The following BMP15 variants were observed in gnomAD, a reference collection of about 807,000 sequenced individuals.
BMP15 encodes the protein growth/differentiation factor 9B.
A neutral mutation model predicts 4.4 loss-of-function variants in BMP15; 5 were observed. The observed-to-expected ratio is 1.13, with a 90% CI of 0.59 to 2.38. The LOEUF (loss-of-function observed/expected upper bound fraction) is 2.38, where lower values mean the gene tolerates loss of function less well. Among genes scored for constraint, BMP15 ranks in the 30% most tolerant of loss-of-function variants. The pLI, the probability that BMP15 is intolerant of heterozygous loss-of-function variation, is 0.01. For synonymous variants in BMP15, 125 were observed against 114.6 expected, an observed-to-expected ratio of 1.09 and a Z score of -0.58; for missense variants, 339 against 309.8, an observed-to-expected ratio of 1.09 and a Z score of -0.71.
At chrX:50,914,393 C>T (rs933989807) in intron 1 of BMP15, among the ~76,000 whole-genome samples, 7 of 112,233 alleles carry the variant, frequency 6.2e-5, no homozygotes, top group East Asian at 2.8e-4. Flanking sequence ...GAGACCAGCC[C>T]GGCAACATGG....
chrX:50,915,801 C>T lies in BMP15; in HGVS notation c.373C>T (p.Arg125Ter), dbSNP rs1923111503. 1 of 1,211,198 alleles carries T rather than the reference C, an allele frequency of 8.3e-7. No individual in the cohort carries two copies. Among genetic ancestry groups the T allele is most frequent in the Non-Finnish European group, 1.1e-6 (1 of 895,226 alleles). The change falls in exon 2 of 2, where the codon CGA becomes TGA. Residue 125 changes from arginine to a stop codon, truncating the protein, a stop_gained. Coordinates refer to ENST00000252677, the MANE Select transcript of BMP15 (RefSeq NM_005448.2). LOFTEE classifies it low-confidence loss of function (END_TRUNC). ...CCTGGGCTTTCCTCTCAGACCAAAC[C>T]GAGGACTATACCAACTAGTTAGAGC... The part of the protein sequence containing the change: ...QILGFPLRPN[R>*]GLYQLVRATV...
In BMP15 at chrX:50,910,917, T is replaced by C. The variant is rs781843964; in HGVS notation, c.134T>C (p.Ile45Thr). 2 of 1,197,337 alleles carry C rather than the reference T, an allele frequency of 1.7e-6. No individual in the cohort carries two copies. Among genetic ancestry groups the C allele is most frequent in the East Asian group, 3.0e-5 (1 of 33,195 alleles). The stretch of plus-strand genomic sequence containing the variant: ...GCTGAGGCCCCTACTTTGCCCCTGA[T>C]TGAGGAGCTGCTAGAAGAATCCCCT... Reference protein sequence around the residue: ...LLAEAPTLPLIEELLEESPGE... With the variant: ...LLAEAPTLPLTEELLEESPGE... The change falls in exon 1 of 2, where the codon ATT (isoleucine) becomes ACT (threonine). Residue 45 changes from isoleucine (I) to threonine (T), a missense_variant. Ile to Thr is a moderately conservative substitution (Grantham distance 89). Transcript: ENST00000252677.
At position 50,916,222 on chromosome X, in the gene BMP15, G is replaced by C; in HGVS notation, c.794G>C (p.Arg265Thr). Reference protein sequence around the residue: ...EFMERESLLRRTRQADGISAE... With the variant: ...EFMERESLLRTTRQADGISAE... ...ATGGAAAGGGAATCTCTTCTCCGGA[G>C]AACCCGACAAGCAGATGGTATCTCA... The change falls in exon 2 of 2, where the codon AGA becomes ACA. Residue 265 changes from arginine to threonine, a missense_variant. Arg to Thr is a moderately conservative substitution (Grantham distance 71). Coordinates refer to ENST00000252677, the MANE Select transcript of BMP15 (RefSeq NM_005448.2). 1 of 1,211,423 alleles carries C rather than the reference G, an allele frequency of 8.3e-7. No individual in the cohort carries two copies. The highest frequency in any genetic ancestry group is 1.1e-6 in the Non-Finnish European group (1 of 895,473).
chrX:50,916,053 T>C lies in BMP15; in HGVS notation c.625T>C (p.Cys209Arg), dbSNP rs782792056. The part of the protein sequence containing the change: ...GHRILRLRFM[C>R]QQQKDSGGLE... ...CAGGATCCTACGACTCCGTTTTATG[T>C]GTCAGCAGCAAAAAGATAGTGGTGG... Residue 209 changes from cysteine to arginine, a missense_variant, in exon 2 of 2, where the codon TGT (cysteine) becomes CGT (arginine). Cys to Arg is a radical substitution (Grantham distance 180). Coordinates refer to ENST00000252677, the MANE Select transcript of BMP15 (RefSeq NM_005448.2). The C allele has an allele frequency of 8.2e-7, 1 of 1,212,172 alleles. No homozygotes were observed. Among genetic ancestry groups the C allele is most frequent in the South Asian group, 1.8e-5 (1 of 57,020 alleles).
intron 1 of BMP15, among the ~76,000 whole-genome samples, chrX:50,912,868 A>G (rs1923042492): frequency 8.9e-6 from 1 of 111,840 alleles, no homozygotes; most frequent in Non-Finnish European, 1.9e-5. Context: ...TGGCAATGAA[A>G]CCTTCCCTTT....
chrX:50,912,023 A>G (rs1441010735), intron 1 of BMP15, among the ~76,000 whole-genome samples: 4 of 111,395 alleles, frequency 3.6e-5, no homozygotes, highest in African/African-American at 1.3e-4. Flanking sequence ...TGTAGCCTTC[A>G]CTAGTCTGAG....
At chrX:50,914,001 G>A (rs782755706) in intron 1 of BMP15, among the ~76,000 whole-genome samples, 4 of 111,594 alleles carry the variant, frequency 3.6e-5, no homozygotes, top group South Asian at 7.5e-4. Context: ...ATGGAGTTTC[G>A]CTCTTATCAT....
chrX:50,916,233 G>A lies in BMP15; in HGVS notation c.805G>A (p.Ala269Thr). The A allele has an allele frequency of 3.3e-6, 4 of 1,211,580 alleles. No homozygotes were observed. The highest frequency in any genetic ancestry group is 4.5e-6 in the Non-Finnish European group (4 of 895,501). Residue 269 changes from alanine (A) to threonine (T), a missense_variant, in exon 2 of 2, where the codon GCA becomes ACA. Ala to Thr is a moderately conservative substitution (Grantham distance 58). Coordinates refer to ENST00000252677, the MANE Select transcript of BMP15 (RefSeq NM_005448.2). ...RESLLRRTRQ[A>T]DGISAEVTAS... is the part of the protein sequence containing the mutation. The stretch of plus-strand genomic sequence containing the variant: ...ATCTCTTCTCCGGAGAACCCGACAA[G>A]CAGATGGTATCTCAGCTGAGGTTAC...
Position 50,912,970 on chromosome X carries a change from C to G in BMP15, c.328+1859C>G, listed in dbSNP as rs192012765. Among the ~76,000 whole-genome samples the G allele has an allele frequency of 4.5e-5, 5 of 111,393 alleles. No individual in the cohort carries two copies. In the East Asian group the frequency reaches 1.1e-3, roughly 25 times the overall value. On this transcript the variant is annotated intron_variant, in intron 1 of 1. Transcript: ENST00000252677. ...TAGGCATGAGAAGAGTAGGGAGAAGCCTGATTTAGGCAGAGGAACAACAGG... is the reference window on the plus strand; with the variant it reads ...TAGGCATGAGAAGAGTAGGGAGAAGGCTGATTTAGGCAGAGGAACAACAGG...
At position 50,911,002 on chromosome X, in the gene BMP15, G is replaced by A; in HGVS notation, c.219G>A (p.Leu73=). The change falls in exon 1 of 2, where the codon TTG becomes TTA. Residue 73 remains leucine (L), a synonymous_variant. Transcript: ENST00000252677. The part of the protein sequence containing the change: ...LGHSLRYMLE[L]YRRSADSHGH... ...ATTCACTGCGGTACATGCTGGAGTT[G>A]TACCGGCGTTCAGCTGACTCGCATG... 1.3e-5 allele frequency: 15 copies of A among 1,194,053 alleles called. No individual in the cohort carries two copies. The highest frequency in any genetic ancestry group is 1.7e-5 in the Non-Finnish European group (15 of 886,290).
intron 1 of BMP15, among the ~76,000 whole-genome samples, chrX:50,914,016 G>A (rs1255264802): frequency 1.8e-5 from 2 of 111,766 alleles, no homozygotes; most frequent in African/African-American, 6.5e-5. Context: ...TATCATCCAG[G>A]CTGGAGTGCA....
At chrX:50,914,271 C>T (rs868964590) in intron 1 of BMP15, among the ~76,000 whole-genome samples, 6 of 111,907 alleles carry the variant, frequency 5.4e-5, no homozygotes, top group Admixed American at 1.9e-4. Context: ...CGCGCCCAGC[C>T]GGAATTTGAA....
Position 50,916,498 on chromosome X carries a change from G to A in BMP15, c.1070G>A (p.Cys357Tyr), listed in dbSNP as rs1557280378. The A allele has an allele frequency of 1.7e-6, 2 of 1,211,434 alleles. No individual in the cohort carries two copies. The highest frequency in any genetic ancestry group is 5.9e-5 in the East Asian group (2 of 33,838). ...GACCAGAGTGTCCCCCGGCCCTCCT[G>A]TGTCCCGTATAAGTATGTTCCAATT... ...LVDQSVPRPS[C>Y]VPYKYVPISV... Residue 357 changes from cysteine (C) to tyrosine (Y), a missense_variant, in exon 2 of 2, where the codon TGT becomes TAT. Cys to Tyr is a radical substitution (Grantham distance 194, BLOSUM62 -2). Coordinates refer to ENST00000252677, the MANE Select transcript of BMP15 (RefSeq NM_005448.2).
chrX:50,912,630 T>C (rs782550848), intron 1 of BMP15, among the ~76,000 whole-genome samples: 12 of 111,471 alleles, frequency 1.1e-4, no homozygotes, highest in Non-Finnish European at 2.3e-4. Context: ...AAGTGCATTC[T>C]GATTTAGGAA....
At chrX:50,915,003 G>A (rs139392781) in intron 1 of BMP15, among the ~76,000 whole-genome samples, 7 of 111,716 alleles carry the variant, frequency 6.3e-5, no homozygotes, top group African/African-American at 1.6e-4. Context: ...TAAAATGAAT[G>A]GGGTAAATGG....
At position 50,916,426 on chromosome X, in the gene BMP15, A is replaced by G; in HGVS notation, c.998A>G (p.Asn333Ser). 1 of 1,210,076 alleles carries G rather than the reference A, an allele frequency of 8.3e-7. No homozygotes were observed. Among genetic ancestry groups the G allele is most frequent in the Non-Finnish European group, 1.1e-6 (1 of 894,379 alleles). ...CTCCGAGTACTACGCGATGGTCTCA[A>G]TTCCCCCAATCACGCCATTATTCAG... ...TCLRVLRDGL[N>S]SPNHAIIQNL... is the part of the protein sequence containing the mutation. Residue 333 changes from asparagine (N) to serine (S), a missense_variant, in exon 2 of 2, where the codon AAT (asparagine) becomes AGT (serine). Physicochemically the swap from Asn to Ser is conservative, Grantham distance 46. Coordinates refer to ENST00000252677, the MANE Select transcript of BMP15 (RefSeq NM_005448.2).
Position 50,915,755 on chromosome X carries a change from A to G in BMP15, c.329-2A>G. On this transcript the variant is annotated splice_acceptor_variant, in intron 1 of 1. Transcript: ENST00000252677. LOFTEE classifies it high-confidence loss of function. ...TGCTCTTGTTCCCTCTTACTTCTGCAGGTACCTGGCATATACAGATCCTGG... is the reference window on the plus strand; with the variant it reads ...TGCTCTTGTTCCCTCTTACTTCTGCGGGTACCTGGCATATACAGATCCTGG... 1 of 1,211,635 alleles carries G rather than the reference A, an allele frequency of 8.3e-7. No individual in the cohort carries two copies. The highest frequency in any genetic ancestry group is 1.1e-6 in the Non-Finnish European group (1 of 895,374).
At chrX:50,913,132 A>G (rs1923047893) in intron 1 of BMP15, among the ~76,000 whole-genome samples, 1 of 111,453 alleles carries the variant, frequency 9.0e-6, no homozygotes, top group Admixed American at 9.5e-5. Flanking sequence ...GTAGGCTGTG[A>G]TAAGGGATCT....
At chrX:50,914,361 G>C (rs1923081288) in intron 1 of BMP15, among the ~76,000 whole-genome samples, 1 of 112,686 alleles carries the variant, frequency 8.9e-6, no homozygotes, top group East Asian at 2.8e-4. Flanking sequence ...AAAGGGGGCA[G>C]ATCGCTTGAA....
Sources: gnomAD v4.1 joint callset for allele counts (sites outside exome capture counted in the v4.1 genomes callset) on GRCh38, gnomAD v4.1.1 for gene constraint, MANE v1.5 for transcripts, NCBI Gene and HGNC (gene_info 2026-07-23, HGNC 2026-07-21) for gene names.